Variants in CDYL2 observed in about 807,000 individuals in gnomAD.
CDYL2 encodes the protein chromodomain Y like 2.
A neutral mutation model predicts 49.4 loss-of-function variants in CDYL2; 23 were observed. That is an observed-to-expected ratio of 0.47 (90% CI 0.34 to 0.66). CDYL2 has a LOEUF of 0.66. CDYL2 is among the 30% of genes least tolerant of loss of function. CDYL2 has a pLI of 0.01. For missense variants in CDYL2, 678 were observed against 656.4 expected, an observed-to-expected ratio of 1.03 and a Z score of -0.36; for synonymous variants, 360 against 268.8, an observed-to-expected ratio of 1.34 and a Z score of -3.32.
At position 80,790,229 on chromosome 16, in the gene CDYL2, T is replaced by C. The variant is rs16954040; in HGVS notation, c.24+13921A>G. 9.5e-4 allele frequency among the ~76,000 whole-genome samples: 145 copies of C among 152,274 alleles called. 2 individuals are homozygous for C. In the East Asian group the frequency reaches 0.027, roughly 28 times the overall value. On this transcript the variant is annotated intron_variant, in intron 1 of 6. Transcript: ENST00000570137. ...ATTAAGTCAATAACCTAACAGGACT[T>C]ACACCAGCTTCCCAAAAAGCCAATA...
At chr16:80,646,981 C>T (rs781153793) in intron 2 of CDYL2, among the ~76,000 whole-genome samples, 2 of 150,790 alleles carry the variant, frequency 1.3e-5, no homozygotes, top group East Asian at 3.9e-4. Flanking sequence ...ATAAAATATA[C>T]TTCATCACAA....
intron 2 of CDYL2, among the ~76,000 whole-genome samples, chr16:80,664,023 A>G (rs934221958): frequency 6.7e-6 from 1 of 150,292 alleles, no homozygotes; most frequent in Non-Finnish European, 1.5e-5. Context: ...GCTAACTCCA[A>G]AAGCTCTATT....
chr16:80,650,515 T>A (rs1296664523), intron 2 of CDYL2, among the ~76,000 whole-genome samples: 2 of 152,224 alleles, frequency 1.3e-5, no homozygotes, highest in Non-Finnish European at 2.9e-5. Flanking sequence ...CACACACTGT[T>A]GGTGGGAATG....
intron 1 of CDYL2, among the ~76,000 whole-genome samples, chr16:80,712,024 T>C (rs1000422696): frequency 6.6e-6 from 1 of 150,448 alleles, no homozygotes; most frequent in Admixed American, 6.6e-5. Context: ...TGTGTATATA[T>C]ATGTGTGTAT....
chr16:80,632,996 T>C (rs1431224648), intron 3 of CDYL2, 23 bp downstream of exon 3: 1 of 1,606,808 alleles, frequency 6.2e-7, no homozygotes, highest in Non-Finnish European at 8.5e-7. Flanking sequence ...AGCTTGCCCT[T>C]CCCTCTGGCC....
At chr16:80,791,627 T>C (rs1907610643) in intron 1 of CDYL2, among the ~76,000 whole-genome samples, 1 of 152,076 alleles carries the variant, frequency 6.6e-6, no homozygotes, top group Non-Finnish European at 1.5e-5. Context: ...CAAGCAAAAA[T>C]GTGACAAGGA....
intron 2 of CDYL2, among the ~76,000 whole-genome samples, chr16:80,672,310 C>A (rs951326722): frequency 7.9e-6 from 1 of 127,044 alleles, no homozygotes; most frequent in Non-Finnish European, 1.6e-5. Context: ...TGTTTTCATA[C>A]AAAATGTTAC....
intron 2 of CDYL2, among the ~76,000 whole-genome samples, chr16:80,659,122 C>G (rs976987471): frequency 1.3e-5 from 2 of 151,792 alleles, no homozygotes; most frequent in African/African-American, 4.9e-5. Context: ...GATGGATGAA[C>G]AGACAGATGA....
chr16:80,607,698 G>A (rs1023436232), intron 6 of CDYL2, among the ~76,000 whole-genome samples: 1 of 152,242 alleles, frequency 6.6e-6, no homozygotes, highest in Non-Finnish European at 1.5e-5. Context: ...TAGAGGCATG[G>A]TGTGTACAGC....
chr16:80,754,579 C>T (rs770132419), intron 1 of CDYL2, among the ~76,000 whole-genome samples: 6 of 152,140 alleles, frequency 3.9e-5, no homozygotes, highest in Non-Finnish European at 8.8e-5. Context: ...TAGCGTCCAC[C>T]CTCCTGGCTC....
intron 2 of CDYL2, among the ~76,000 whole-genome samples, chr16:80,672,501 GGAAAGAAGGAAAGAAGCA>G (rs1291525549): frequency 7.3e-6 from 1 of 136,522 alleles, no homozygotes; most frequent in African/African-American, 2.8e-5. Context: ...AAGAAGGAAA[GGAAAGAAGGAAAGAAGCA>G]AAGCAAAGGA....
At chr16:80,652,625 C>T (rs1395558580) in intron 2 of CDYL2, among the ~76,000 whole-genome samples, 3 of 152,150 alleles carry the variant, frequency 2.0e-5, no homozygotes, top group East Asian at 3.8e-4. Context: ...CGAAGTAACC[C>T]TACAGTGGAG....
At chr16:80,722,119 T>A (rs1340791763) in intron 1 of CDYL2, among the ~76,000 whole-genome samples, 2 of 152,186 alleles carry the variant, frequency 1.3e-5, no homozygotes, top group Admixed American at 1.3e-4. Flanking sequence ...AATAGAGGTG[T>A]TTCTTTTAAA....
intron 3 of CDYL2, among the ~76,000 whole-genome samples, chr16:80,632,338 A>T (rs538553173): frequency 6.6e-6 from 1 of 152,332 alleles, no homozygotes; most frequent in African/African-American, 2.4e-5. Context: ...GCACGTTTCC[A>T]TTGATACAAA....
rs927614105 is a variant in CDYL2, at chr16:80,768,045, T to G, written c.24+36105A>C. ...TTAGACCATTTCTACTCCTCCCAGT[T>G]CATATAAGCTAACACCAGGATTCTA... is the stretch of plus-strand genomic sequence containing the variant. On this transcript the variant is annotated intron_variant, in intron 1 of 6. Coordinates refer to ENST00000570137, the MANE Select transcript of CDYL2 (RefSeq NM_152342.4). Among the ~76,000 whole-genome samples, 5 of 152,288 alleles carry G rather than the reference T, an allele frequency of 3.3e-5. No individual in the cohort carries two copies. In the East Asian group the frequency reaches 9.6e-4, roughly 29 times the overall value.
intron 2 of CDYL2, among the ~76,000 whole-genome samples, chr16:80,642,478 G>GT (rs1908142831): frequency 6.6e-6 from 1 of 152,116 alleles, no homozygotes; most frequent in African/African-American, 2.4e-5. Flanking sequence ...GTTATTGTTT[G>GT]TTTCTTTATG....
intron 1 of CDYL2, among the ~76,000 whole-genome samples, chr16:80,693,208 G>A (rs924716092): frequency 1.3e-5 from 2 of 152,052 alleles, no homozygotes; most frequent in Non-Finnish European, 2.9e-5. Context: ...TTCTATAATT[G>A]GATTTGCGTG....
chr16:80,598,211 C>A lies in CDYL2; in HGVS notation c.*6177G>T, dbSNP rs1462976929. The A allele has an allele frequency of 6.6e-6, 1 of 151,690 alleles. No homozygotes were observed. Among genetic ancestry groups the A allele is most frequent in the Non-Finnish European group, 1.5e-5 (1 of 67,976 alleles). The allele number at this position is 151,690 out of a possible 1,614,324, so 9.4% of individuals were successfully genotyped here. ...ACAAATATTCAGAACTAGTTAAAGA[C>A]TCTCCCATGATAATCTGGCAAAATA... On this transcript the variant is annotated 3_prime_UTR_variant, in exon 7 of 7. Transcript: ENST00000570137.
chr16:80,694,091 G>T (rs544299349), intron 1 of CDYL2, among the ~76,000 whole-genome samples: 2 of 151,736 alleles, frequency 1.3e-5, no homozygotes, highest in Non-Finnish European at 2.9e-5. Context: ...TTTCCACGAC[G>T]GGCGGAATGG....
Sources: allele counts gnomAD v4.1 joint callset (sites outside exome capture counted in the v4.1 genomes callset), GRCh38; gene constraint gnomAD v4.1.1; transcripts MANE v1.5; gene names NCBI Gene and HGNC (gene_info 2026-07-23, HGNC 2026-07-21).